Variants in DDHD1 observed in about 807,000 individuals in gnomAD.
DDHD1 encodes the protein phospholipase DDHD1.
DDHD1 carries 49 observed loss-of-function variants against 96.4 expected under a neutral mutation model. That is an observed-to-expected ratio of 0.51 (90% CI 0.40 to 0.64). The LOEUF is 0.64. DDHD1 is among the 30% of genes least tolerant of loss of function. DDHD1 has a pLI of 0.00. For missense variants in DDHD1, 1,106 were observed against 1,161.2 expected (o/e 0.95, Z 0.69); for synonymous variants, 442 against 446.5 (o/e 0.99, Z 0.13).
Position 53,093,368 on chromosome 14 carries a change from T to G in DDHD1, c.1089A>C (p.Ala363=). ...SVDEVYLYSD[A]TTSKIARTVT... The stretch of plus-strand genomic sequence containing the variant: ...CTGTTCTTGCAATTTTAGATGTTGT[T>G]GCATCACTATAAAGATATACTTCAT... Residue 363 remains alanine, a synonymous_variant, in exon 3 of 13, where the codon GCA becomes GCC. Coordinates refer to ENST00000673822, the MANE Select transcript of DDHD1 (RefSeq NM_001160148.2). 6.2e-7 allele frequency: 1 copy of G among 1,612,780 alleles called. No individual in the cohort carries two copies. The highest frequency in any genetic ancestry group is 8.5e-7 in the Non-Finnish European group (1 of 1,179,612).
intron 1 of DDHD1, among the ~76,000 whole-genome samples, chr14:53,114,193 T>C (rs1888367008): frequency 6.6e-6 from 1 of 152,198 alleles, no homozygotes; most frequent in Non-Finnish European, 1.5e-5. Flanking sequence ...GCGGAGCACC[T>C]CTGAAGGAAA....
At chr14:53,084,249 G>T (rs934027900) in intron 4 of DDHD1, among the ~76,000 whole-genome samples, 3 of 152,136 alleles carry the variant, frequency 2.0e-5, no homozygotes, top group Admixed American at 6.5e-5. Flanking sequence ...GAAGGCTATA[G>T]AGCAGATAAA....
chr14:53,066,283 C>G (rs1566532226), intron 6 of DDHD1, among the ~76,000 whole-genome samples: 1 of 152,124 alleles, frequency 6.6e-6, no homozygotes, highest in Non-Finnish European at 1.5e-5. Flanking sequence ...TCCTGAGTAG[C>G]TGGGATTACA....
chr14:53,079,564 A>G (rs890137809), intron 4 of DDHD1, among the ~76,000 whole-genome samples: 1 of 152,222 alleles, frequency 6.6e-6, no homozygotes, highest in African/African-American at 2.4e-5. Context: ...TGTGCATAGT[A>G]TTCCCTTACA....
intron 8 of DDHD1, among the ~76,000 whole-genome samples, chr14:53,059,680 A>G (rs1368672749): frequency 6.7e-5 from 10 of 149,526 alleles, no homozygotes; most frequent in African/African-American, 2.4e-4. Context: ...CCTGGCCAAC[A>G]TGGTGAAACC....
intron 6 of DDHD1, among the ~76,000 whole-genome samples, chr14:53,070,404 CA>C (rs1158575117): frequency 3.9e-5 from 6 of 152,106 alleles, no homozygotes; most frequent in Non-Finnish European, 8.8e-5. Flanking sequence ...CTGTATCATC[CA>C]TAACAAATCA....
chr14:53,143,551 C>T (rs949054232), intron 1 of DDHD1, among the ~76,000 whole-genome samples: 7 of 152,112 alleles, frequency 4.6e-5, no homozygotes, highest in African/African-American at 9.7e-5. Context: ...CTGGCTGGAA[C>T]GGGACCTCAT....
chr14:53,057,023 C>T (rs1337200412), intron 9 of DDHD1, among the ~76,000 whole-genome samples: 3 of 152,110 alleles, frequency 2.0e-5, no homozygotes, highest in African/African-American at 7.2e-5. Context: ...AAAATATTAT[C>T]ATCTACATCA....
intron 1 of DDHD1, among the ~76,000 whole-genome samples, chr14:53,147,064 C>G (rs766580565): frequency 1.3e-5 from 2 of 151,904 alleles, no homozygotes; most frequent in African/African-American, 4.8e-5. Flanking sequence ...ATCTCTTTTG[C>G]CAATATTTTT....
chr14:53,078,375 G>A (rs764959973), intron 4 of DDHD1, among the ~76,000 whole-genome samples: 26 of 152,122 alleles, frequency 1.7e-4, no homozygotes, highest in Non-Finnish European at 3.8e-4. Flanking sequence ...AATAACTAAA[G>A]ATGCTGAACA....
Position 53,039,730 on chromosome 14 carries a change from GGA to G in DDHD1, c.*7036_*7037del, listed in dbSNP as rs1881518381. On this transcript the variant is annotated 3_prime_UTR_variant, in exon 13 of 13. Coordinates refer to ENST00000673822, the MANE Select transcript of DDHD1 (RefSeq NM_001160148.2). Reference sequence around the variant, plus strand: ...AAGGTAGGCAGTGGAGAAGCAGGCAGGAGAGTCAGGTTGGGCAGGCTGTGGGG... The same window carrying G: ...AAGGTAGGCAGTGGAGAAGCAGGCAGGAGTCAGGTTGGGCAGGCTGTGGGG... 6.6e-6 allele frequency: 1 copy of G among 152,566 alleles called. No individual in the cohort carries two copies. Among genetic ancestry groups the G allele is most frequent in the African/African-American group, 2.4e-5 (1 of 41,434 alleles). The allele number at this position is 152,566 out of a possible 1,614,324, so 9.5% of individuals were successfully genotyped here. A position where few individuals can be genotyped will look rare whatever the true frequency, so the allele number is the denominator to read the frequency against.
intron 1 of DDHD1, among the ~76,000 whole-genome samples, chr14:53,136,967 G>A (rs117819499): frequency 0.017 from 2,523 of 152,116 alleles, 30 homozygotes; most frequent in Non-Finnish European, 0.027. Flanking sequence ...AAAAACATCC[G>A]GAAACAACAT....
At chr14:53,072,511 TAAA>T in intron 6 of DDHD1, 83 bp downstream of exon 6, 1 of 692,108 alleles carries the variant, frequency 1.4e-6, no homozygotes, top group Non-Finnish European at 2.2e-6. Flanking sequence ...CTCATTTGCT[TAAA>T]AAAAACATAA....
chr14:53,046,940 T>C lies in DDHD1; in HGVS notation c.2531A>G (p.Asp844Gly). The change falls in exon 13 of 13, where the codon GAT becomes GGT. Residue 844 changes from aspartate to glycine, a missense_variant. This residue lies in a region of DDHD1 where 650 missense variants were observed against 758.8 expected (regional missense o/e 0.86). Transcript: ENST00000673822. ...QNKDNALVELDHRIDFELREG... is the reference protein window; with the variant it reads ...QNKDNALVELGHRIDFELREG... ...TCTGAGTTCAAAATCAATCCTGTGA[T>C]CCAACTCCACTAAAAAGAAAAGAAG... The C allele has an allele frequency of 6.2e-7, 1 of 1,604,728 alleles. No homozygotes were observed. The highest frequency in any genetic ancestry group is 2.2e-5 in the East Asian group (1 of 44,570).
chr14:53,120,496 T>A (rs1888903050), intron 1 of DDHD1, among the ~76,000 whole-genome samples: 1 of 152,182 alleles, frequency 6.6e-6, no homozygotes, highest in Non-Finnish European at 1.5e-5. Context: ...GCCAAGACAA[T>A]CCTAAGCAAA....
In DDHD1 at chr14:53,051,941, AC is replaced by A; in HGVS notation, c.2438-15del. The A allele has an allele frequency of 6.4e-7, 1 of 1,564,394 alleles. No homozygotes were observed. The highest frequency in any genetic ancestry group is 8.7e-7 in the Non-Finnish European group (1 of 1,151,402). ...GAAGTCTGAAATCTGTGAAAAAAAA[AC>A]ACAAGATGCTGTAAAGGGTTGGCTG... is the stretch of plus-strand genomic sequence containing the variant. On this transcript the variant is annotated splice_polypyrimidine_tract_variant and intron_variant, in intron 11 of 12. Transcript: ENST00000673822.
chr14:53,141,389 CAG>C, intron 1 of DDHD1, among the ~76,000 whole-genome samples: 1 of 152,140 alleles, frequency 6.6e-6, no homozygotes, highest in Non-Finnish European at 1.5e-5. Context: ...TATGAACTAA[CAG>C]AATTACCAAA....
chr14:53,099,044 C>G (rs961266480), intron 2 of DDHD1, among the ~76,000 whole-genome samples: 1 of 151,574 alleles, frequency 6.6e-6, no homozygotes, highest in Non-Finnish European at 1.5e-5. Context: ...TCTCTTTGTC[C>G]CATCTGTTTT....
At chr14:53,059,269 G>A (rs1014761919) in intron 8 of DDHD1, among the ~76,000 whole-genome samples, 8 of 151,946 alleles carry the variant, frequency 5.3e-5, no homozygotes, top group African/African-American at 1.7e-4. Flanking sequence ...TTTTGAGACC[G>A]AGTCTCGCTC....
Sources: allele counts gnomAD v4.1 joint callset (sites outside exome capture counted in the v4.1 genomes callset), GRCh38; gene constraint gnomAD v4.1.1; regional missense constraint gnomAD v4.1.1; transcripts MANE v1.5; gene names NCBI Gene and HGNC (gene_info 2026-07-23, HGNC 2026-07-21).